Variants in CRACR2A observed in about 807,000 individuals in gnomAD.
The protein encoded by CRACR2A is calcium release activated channel regulator 2A, also known as EF-hand calcium-binding domain-containing protein 4B.
CRACR2A carries 79 observed loss-of-function variants against 90.5 expected under a neutral mutation model. The ratio of observed to expected loss-of-function variants is 0.87; its 90% confidence interval spans 0.73 to 1.05. The LOEUF is 1.05. Ranked by LOEUF, CRACR2A falls within the 50% of genes least tolerant of loss-of-function variation. The pLI, the probability that CRACR2A is intolerant of heterozygous loss-of-function variation, is 0.00. For synonymous variants in CRACR2A, 338 were observed against 356.7 expected (o/e 0.95, Z 0.59); for missense variants, 823 against 897.2 (o/e 0.92, Z 1.06).
Position 3,627,659 on chromosome 12 carries a change from C to T in CRACR2A, c.1783G>A (p.Ala595Thr). 1 of 1,551,796 alleles carries T rather than the reference C, an allele frequency of 6.4e-7. No homozygotes were observed. The highest frequency in any genetic ancestry group is 8.7e-7 in the Non-Finnish European group (1 of 1,147,020). ...KTLNVDNSQV[A>T]LQLWDTAGQE... ...CCAGCCGTGTCCCACAGCTGCAGGG[C>T]CACCTGAGAGTTGTCCACATTCAAC... The change falls in exon 16 of 20, where the codon GCC becomes ACC. Residue 595 changes from alanine to threonine, a missense_variant. Coordinates refer to ENST00000440314, the MANE Select transcript of CRACR2A (RefSeq NM_001144958.2).
chr12:3,657,749 C>T (rs1944941439), intron 8 of CRACR2A, among the ~76,000 whole-genome samples: 1 of 152,158 alleles, frequency 6.6e-6, no homozygotes, highest in Non-Finnish European at 1.5e-5. Flanking sequence ...CAGCGAGCGG[C>T]TCCAGAATCC....
At position 3,619,309 on chromosome 12, in the gene CRACR2A, G is replaced by A. The variant is rs970187415; in HGVS notation, c.1996C>T (p.Arg666Trp). The part of the protein sequence containing the change: ...LGNKLDNEKE[R>W]EVPRGLGEQL... ...TCTCCGAGGCCCCGGGGGACTTCCCGCTCCTTCTCGTTGTCAAGCTTATTA... is the reference window on the plus strand; with the variant it reads ...TCTCCGAGGCCCCGGGGGACTTCCCACTCCTTCTCGTTGTCAAGCTTATTA... Residue 666 changes from arginine to tryptophan, a missense_variant, in exon 18 of 20, where the codon CGG becomes TGG. Coordinates refer to ENST00000440314, the MANE Select transcript of CRACR2A (RefSeq NM_001144958.2). The A allele has an allele frequency of 3.9e-5, 60 of 1,551,496 alleles. No individual in the cohort carries two copies. Among genetic ancestry groups the A allele is most frequent in the Non-Finnish European group, 4.9e-5 (56 of 1,146,988 alleles).
intron 17 of CRACR2A, among the ~76,000 whole-genome samples, chr12:3,619,655 A>G (rs2137272318): frequency 6.6e-6 from 1 of 152,256 alleles, no homozygotes; most frequent in Non-Finnish European, 1.5e-5. Context: ...TGGATCTTAG[A>G]TGGAACAGCA....
intron 9 of CRACR2A, among the ~76,000 whole-genome samples, chr12:3,654,746 C>T (rs549414708): frequency 1.8e-3 from 276 of 152,316 alleles, no homozygotes; most frequent in Non-Finnish European, 2.7e-3. Context: ...TCTTGTTGTC[C>T]TTTAAGCCAA....
chr12:3,724,543 G>A (rs1946233569), intron 2 of CRACR2A, among the ~76,000 whole-genome samples: 1 of 152,214 alleles, frequency 6.6e-6, no homozygotes, highest in African/African-American at 2.4e-5. Flanking sequence ...CAGCTTGGTG[G>A]TCTAAGCATA....
rs750488682 is a variant in CRACR2A, at chr12:3,666,330, C to CGTGTGTGTGTGTGT, written c.672-6690_672-6677dup. On this transcript the variant is annotated intron_variant, in intron 7 of 19. Coordinates refer to ENST00000440314, the MANE Select transcript of CRACR2A (RefSeq NM_001144958.2). ...AATGTCCCTCCCTAAAGGACGGCTG[C>CGTGTGTGTGTGTGT]GTGTGTGTGTGTGTGTGTGTGTGTG... Among the ~76,000 whole-genome samples the CGTGTGTGTGTGTGT allele has an allele frequency of 9.2e-3, 1,285 of 139,608 alleles. 14 individuals are homozygous for CGTGTGTGTGTGTGT. The highest frequency in any genetic ancestry group is 0.028 in the African/African-American group (1,050 of 37,596). 91.6% of individuals were successfully genotyped at this position (139,608 alleles called of 152,430 possible).
chr12:3,686,928 G>A (rs778816801), intron 4 of CRACR2A, among the ~76,000 whole-genome samples: 13 of 152,148 alleles, frequency 8.5e-5, no homozygotes, highest in Non-Finnish European at 1.6e-4. Flanking sequence ...CCTAGCTTGA[G>A]TGTAGCACAC....
At chr12:3,727,610 G>A (rs553139141) in intron 2 of CRACR2A, 3 of 152,194 alleles carry the variant, frequency 2.0e-5, no homozygotes, top group East Asian at 1.9e-4. Flanking sequence ...TCGTCATTTC[G>A]AGGTTTTGTC....
chr12:3,729,751 T>C (rs1490185949), intron 2 of CRACR2A: 1 of 152,176 alleles, frequency 6.6e-6, no homozygotes, highest in Non-Finnish European at 1.5e-5. Flanking sequence ...TTGGCTAAAA[T>C]GTCAGGTTCT....
At chr12:3,731,290 GGCAGAC>G (rs918152926) in intron 2 of CRACR2A, 14 of 152,564 alleles carry the variant, frequency 9.2e-5, no homozygotes, top group African/African-American at 3.4e-4. Flanking sequence ...CCAGGTGCTG[GGCAGAC>G]AGAATTTCCT....
chr12:3,749,154 G>C (rs1057440911), intron 1 of CRACR2A, among the ~76,000 whole-genome samples: 5 of 152,224 alleles, frequency 3.3e-5, no homozygotes, highest in African/African-American at 1.2e-4. Flanking sequence ...TTGGGTTGTA[G>C]TGAGGCTTCC....
At chr12:3,681,132 T>G (rs1365571083) in intron 4 of CRACR2A, among the ~76,000 whole-genome samples, 1 of 152,206 alleles carries the variant, frequency 6.6e-6, no homozygotes, top group African/African-American at 2.4e-5. Flanking sequence ...CATTTGTAAG[T>G]GTCTGTGGAC....
chr12:3,632,126 G>C (rs947363229), intron 15 of CRACR2A, among the ~76,000 whole-genome samples: 3 of 152,130 alleles, frequency 2.0e-5, no homozygotes, highest in African/African-American at 7.2e-5. Context: ...CACGAGATCT[G>C]GTTGTTTAGA....
rs527426479 is a variant in CRACR2A at position 3,623,262 on chromosome 12, T to C, written c.1933-3890A>G. Among the ~76,000 whole-genome samples the C allele has an allele frequency of 8.5e-5, 13 of 152,316 alleles. No homozygotes were observed. The South Asian group carries it at 1.5e-3, about 17-fold the overall frequency. ...TTTTCTTACTTATAAAACAAGAGGT[T>C]GCATTAGATTAATCTCCACGTTTTT... On this transcript the variant is annotated intron_variant, in intron 17 of 19. Coordinates refer to ENST00000440314, the MANE Select transcript of CRACR2A (RefSeq NM_001144958.2).
intron 7 of CRACR2A, among the ~76,000 whole-genome samples, chr12:3,661,219 G>A (rs1429750171): frequency 6.6e-6 from 1 of 152,176 alleles, no homozygotes; most frequent in Non-Finnish European, 1.5e-5. Context: ...ACAATGAACA[G>A]GAGTCATTTT....
chr12:3,700,343 A>C (rs1453461305), intron 3 of CRACR2A, among the ~76,000 whole-genome samples: 1 of 152,218 alleles, frequency 6.6e-6, no homozygotes, highest in East Asian at 1.9e-4. Context: ...GGAAAGAAAC[A>C]AAATGAACCC....
intron 10 of CRACR2A, among the ~76,000 whole-genome samples, chr12:3,650,971 C>A (rs1458237583): frequency 6.6e-6 from 1 of 152,126 alleles, no homozygotes; most frequent in African/African-American, 2.4e-5. Flanking sequence ...AAGAAAGGCA[C>A]TTCTGAAAAA....
At chr12:3,731,309 C>T (rs1021828020) in intron 2 of CRACR2A, 6 of 152,542 alleles carry the variant, frequency 3.9e-5, no homozygotes, top group Non-Finnish European at 8.8e-5. Context: ...AATTTCCTGC[C>T]ATTCCTCGAT....
chr12:3,686,530 C>T (rs1235534179), intron 4 of CRACR2A, among the ~76,000 whole-genome samples: 4 of 152,154 alleles, frequency 2.6e-5, no homozygotes, highest in Non-Finnish European at 5.9e-5. Flanking sequence ...GGAAACAGGG[C>T]TTTTGAGGCT....
Sources: allele counts gnomAD v4.1 joint callset (sites outside exome capture counted in the v4.1 genomes callset), GRCh38; gene constraint gnomAD v4.1.1; transcripts MANE v1.5; gene names NCBI Gene and HGNC (gene_info 2026-07-23, HGNC 2026-07-21).